Variants in RNASE11 observed in about 807,000 individuals in gnomAD.
RNASE11 encodes the protein ribonuclease A family member 11 (inactive).
For missense variants in RNASE11, 252 were observed against 237.8 expected (o/e 1.06, Z -0.39); for synonymous variants, 105 against 86.1 (o/e 1.22, Z -1.21).
rs574999176 is a variant in RNASE11 at position 20,584,434 on chromosome 14, ACCAGGC to A, written c.35_40del (p.Gly12_Leu13del). 6.2e-4 allele frequency: 997 copies of A among 1,612,018 alleles called. 2 individuals are homozygous for A. Among genetic ancestry groups the A allele is most frequent in the Non-Finnish European group, 8.1e-4 (956 of 1,179,080 alleles). On this transcript the variant is annotated inframe_deletion, in exon 2 of 2. Transcript: ENST00000553849. ...TGTGCTTTCTGATGCTTCTGCAAGA[ACCAGGC>A]CCAGGCTGAGCAGCAGCAGAGGAAA...
At chr14:20,583,715 G>A in exon 2 of RNASE11, 1 of 411,930 alleles carries the variant, frequency 2.4e-6, no homozygotes, top group South Asian at 2.8e-5. Context: ...ACTTTTAATT[G>A]AATTATCCAC....
At chr14:20,588,583 A>T (rs1383796425), upstream of RNASE11, among the ~76,000 whole-genome samples, 2 of 152,092 alleles carry the variant, frequency 1.3e-5, no homozygotes, top group Admixed American at 6.5e-5. Flanking sequence ...GAGCTGCTGA[A>T]CAGGAACAGA....
At chr14:20,584,336 G>T (rs1363433874) in exon 2 of RNASE11, 1 of 1,614,112 alleles carries the variant, frequency 6.2e-7, no homozygotes, top group Admixed American at 1.7e-5. Context: ...TCAATGGTCT[G>T]TTTTTCTTGG....
exon 2 of RNASE11, chr14:20,583,965 T>C (rs750606744): frequency 6.2e-7 from 1 of 1,614,172 alleles, no homozygotes; most frequent in South Asian, 1.1e-5. Flanking sequence ...CACTATGGTA[T>C]TGGCACCTGG....
chr14:20,583,651 C>T lies in RNASE11; in HGVS notation c.*224G>A, dbSNP rs953925618. 1.8e-5 allele frequency: 6 copies of T among 335,962 alleles called. No homozygotes were observed. The South Asian group carries it at 2.0e-4, about 11-fold the overall frequency. The allele number at this position is 335,962 out of a possible 1,614,324, so 20.8% of individuals were successfully genotyped here. A position where few individuals can be genotyped will look rare whatever the true frequency, so the allele number is the denominator to read the frequency against. On this transcript the variant is annotated 3_prime_UTR_variant, in exon 2 of 2. Coordinates refer to ENST00000553849, the Ensembl canonical transcript of RNASE11. ...GTTTTACACCCTCCCCACCCTCCCC[C>T]CACACAGAGAGAGAGATAGAGAGAG... is the stretch of plus-strand genomic sequence containing the variant.
rs1037054331 is a variant in RNASE11 at position 20,587,719 on chromosome 14, G to A, written c.-179C>T. On this transcript the variant is annotated 5_prime_UTR_variant, in exon 1 of 2. Coordinates refer to ENST00000553849, the Ensembl canonical transcript of RNASE11. The stretch of plus-strand genomic sequence containing the variant: ...CCACCTAAGATGGAAGAAGCCATGA[G>A]ATGAGTAAGCGTTGCCTACTCACAA... The A allele has an allele frequency of 5.1e-6, 5 of 985,254 alleles. No individual in the cohort carries two copies. The South Asian group carries it at 1.4e-4, about 28-fold the overall frequency. 61.0% of individuals were successfully genotyped at this position (985,254 alleles called of 1,614,324 possible).
exon 2 of RNASE11, chr14:20,583,690 C>T (rs1566561534): frequency 2.2e-6 from 1 of 452,198 alleles, no homozygotes; most frequent in Non-Finnish European, 3.9e-6. Context: ...AATCTGCACG[C>T]CAGTATCAGT....
chr14:20,585,048 C>G (rs938680949), intron 1 of RNASE11: 1 of 984,670 alleles, frequency 1.0e-6, no homozygotes, highest in Non-Finnish European at 1.2e-6. Context: ...GCAAGTTGAT[C>G]CTGTAGAGGA....
upstream of RNASE11, chr14:20,587,950 T>C (rs1408218448): frequency 1.9e-5 from 13 of 681,176 alleles, no homozygotes; most frequent in Non-Finnish European, 2.2e-5. Context: ...GAGAGTGCTC[T>C]CCAAAGCCTG....
Position 20,584,503 on chromosome 14 carries a change from T to C in RNASE11, c.-22-7A>G, listed in dbSNP as rs746795987. 1 of 1,527,102 alleles carries C rather than the reference T, an allele frequency of 6.5e-7. No individual in the cohort carries two copies. The highest frequency in any genetic ancestry group is 8.8e-7 in the Non-Finnish European group (1 of 1,142,270). The allele number at this position is 1,527,102 out of a possible 1,614,324, so 94.6% of individuals were successfully genotyped here. A position where few individuals can be genotyped will look rare whatever the true frequency, so the allele number is the denominator to read the frequency against. On this transcript the variant is annotated splice_region_variant and splice_polypyrimidine_tract_variant and intron_variant, in intron 1 of 1. Coordinates refer to ENST00000553849, the Ensembl canonical transcript of RNASE11. ...AGATGTAGTGTAATCTCTTCTGCAG[T>C]AAAGACAATAAATGAAAGATAAAAT...
exon 2 of RNASE11, chr14:20,583,868 G>A: frequency 6.3e-7 from 1 of 1,599,506 alleles, no homozygotes; most frequent in Non-Finnish European, 8.5e-7. Context: ...CTAAAGCTCT[G>A]TGGGATTTAC....
Position 20,587,503 on chromosome 14 carries a change from G to A in RNASE11, c.-23+60C>T, listed in dbSNP as rs201859258. On this transcript the variant is annotated intron_variant, in intron 1 of 1. Coordinates refer to ENST00000553849, the Ensembl canonical transcript of RNASE11. ...AAGGATGCATTTCATCCACTTCAAAGTTTTGCCCAAAAAATGATGCTACCA... is the reference window on the plus strand; with the variant it reads ...AAGGATGCATTTCATCCACTTCAAAATTTTGCCCAAAAAATGATGCTACCA... The A allele has an allele frequency of 3.3e-5, 30 of 896,234 alleles. No individual in the cohort carries two copies. The African/African-American group carries it at 4.9e-4, about 15-fold the overall frequency. 55.5% of individuals were successfully genotyped at this position (896,234 alleles called of 1,614,324 possible).
At chr14:20,587,837 G>A (rs1048514548), upstream of RNASE11, 8 of 985,330 alleles carry the variant, frequency 8.1e-6, no homozygotes, top group African/African-American at 1.7e-5. Context: ...AAAAGACAGA[G>A]CTAACAACTA....
At chr14:20,586,295 A>G (rs1884432274) in intron 1 of RNASE11, among the ~76,000 whole-genome samples, 6 of 152,156 alleles carry the variant, frequency 3.9e-5, no homozygotes, top group Admixed American at 3.9e-4. Flanking sequence ...CTGCCTCTTG[A>G]AATCCTTCAA....
At chr14:20,589,221 A>C (rs1024538151), upstream of RNASE11, among the ~76,000 whole-genome samples, 4 of 152,048 alleles carry the variant, frequency 2.6e-5, no homozygotes, top group Admixed American at 1.3e-4. Context: ...TGGATCTTCA[A>C]AATTTTGTGA....
exon 2 of RNASE11, chr14:20,584,339 T>C: frequency 6.2e-7 from 1 of 1,614,228 alleles, no homozygotes; most frequent in African/African-American, 1.3e-5. Flanking sequence ...ATGGTCTGTT[T>C]TTCTTGGCCA....
At chr14:20,589,173 A>C (rs1489780559), upstream of RNASE11, among the ~76,000 whole-genome samples, 1 of 151,822 alleles carries the variant, frequency 6.6e-6, no homozygotes, top group Non-Finnish European at 1.5e-5. Context: ...TACGTTTCTC[A>C]CATAACTCAT....
chr14:20,589,165 C>G (rs113102505), upstream of RNASE11, among the ~76,000 whole-genome samples: 1 of 151,756 alleles, frequency 6.6e-6, no homozygotes, highest in Non-Finnish European at 1.5e-5. Flanking sequence ...CCCTGCACTA[C>G]GTTTCTCACA....
chr14:20,588,356 T>C (rs531628475), upstream of RNASE11: 6 of 152,336 alleles, frequency 3.9e-5, no homozygotes, highest in African/African-American at 1.4e-4. Context: ...GTGGGGAAAC[T>C]AAGCAGTAAG....
Sources: gnomAD v4.1 joint callset for allele counts (sites outside exome capture counted in the v4.1 genomes callset) on GRCh38, gnomAD v4.1.1 for gene constraint, MANE v1.5 for transcripts, NCBI Gene and HGNC (gene_info 2026-07-23, HGNC 2026-07-21) for gene names.